The following CHLSN variants were observed in gnomAD, a reference collection of about 807,000 sequenced individuals.
CHLSN encodes cholesin, also known as protein cholesin.
the CHLSN span, among the ~76,000 whole-genome samples, chr7:1,014,249 G>A: frequency 0.02 from 3,085 of 152,326 alleles, 93 homozygotes; most frequent in African/African-American, 0.069. Context: ...GAAGAGAGCC[G>A]TGAGATTCTT....
chr7:1,123,914 G>A, the CHLSN span, among the ~76,000 whole-genome samples: 3 of 151,374 alleles, frequency 2.0e-5, no homozygotes, highest in Admixed American at 6.6e-5. This position sits in a 1 kb window ranked among gnomAD's most constrained non-coding sequence, Gnocchi z 4.4. Flanking sequence ...CCCTCTTCCC[G>A]CTGCCAGCTC....
the CHLSN span, among the ~76,000 whole-genome samples, chr7:1,045,140 G>A: frequency 4.1e-3 from 630 of 152,324 alleles, 4 homozygotes; most frequent in African/African-American, 0.015. Flanking sequence ...TCACTGGAAG[G>A]CAGTGCTCTC....
the CHLSN span, chr7:984,454 C>T: frequency 3.9e-6 from 6 of 1,549,974 alleles, no homozygotes; most frequent in Admixed American, 2.0e-5. Flanking sequence ...GCACCTGGGG[C>T]GCCAGAAGAC....
the CHLSN span, among the ~76,000 whole-genome samples, chr7:1,081,545 T>C: frequency 6.6e-6 from 1 of 152,200 alleles, no homozygotes; most frequent in South Asian, 2.1e-4. Flanking sequence ...TGTGCTGGCA[T>C]CCGCCACGCG....
the CHLSN span, among the ~76,000 whole-genome samples, chr7:1,061,419 G>GTCCCCTCCTCA: frequency 6.6e-6 from 1 of 151,940 alleles, no homozygotes; most frequent in African/African-American, 2.4e-5. Context: ...TACCCAGCGA[G>GTCCCCTCCTCA]TCCCCTCCTC....
the CHLSN span, among the ~76,000 whole-genome samples, chr7:1,113,604 C>T: frequency 6.6e-6 from 1 of 152,222 alleles, no homozygotes; most frequent in East Asian, 1.9e-4. Context: ...AGCTCATCTA[C>T]TTCACATCTC....
the CHLSN span, chr7:1,092,649 C>T: frequency 3.1e-6 from 5 of 1,613,062 alleles, no homozygotes; most frequent in Non-Finnish European, 4.2e-6. Context: ...TCACGGGCCA[C>T]ATTGTCAACC....
the CHLSN span, among the ~76,000 whole-genome samples, chr7:1,106,285 C>T: frequency 1.3e-5 from 2 of 152,228 alleles, no homozygotes; most frequent in African/African-American, 4.8e-5. Flanking sequence ...CCTGCACAGA[C>T]TCAAGGGTGT....
chr7:1,002,728 A>G, the CHLSN span, among the ~76,000 whole-genome samples: 1 of 54,736 alleles, frequency 1.8e-5, no homozygotes, highest in Non-Finnish European at 3.2e-5. Context: ...CCTGTGGGTG[A>G]GTGGAATCCT....
the CHLSN span, chr7:985,104 G>A: frequency 1.9e-6 from 3 of 1,611,160 alleles, no homozygotes; most frequent in Non-Finnish European, 2.5e-6. Flanking sequence ...ACAGAGGTGA[G>A]CAGGGGGCCG....
At chr7:1,033,956 C>G in the CHLSN span, among the ~76,000 whole-genome samples, 17 of 152,368 alleles carry the variant, frequency 1.1e-4, no homozygotes, top group East Asian at 3.3e-3. Context: ...CAGCATCAGG[C>G]TGGCCGGGGG....
At chr7:1,109,427 C>G in the CHLSN span, 1 of 152,386 alleles carries the variant, frequency 6.6e-6, no homozygotes, top group African/African-American at 2.4e-5. Flanking sequence ...AGCCGACACG[C>G]GTGGCCCCTG....
chr7:984,053 G>C, the CHLSN span, among the ~76,000 whole-genome samples: 2 of 152,224 alleles, frequency 1.3e-5, no homozygotes, highest in East Asian at 1.9e-4. Flanking sequence ...GGCCGAGCCT[G>C]TCAGGCCCTC....
the CHLSN span, among the ~76,000 whole-genome samples, chr7:1,113,920 G>C: frequency 6.6e-6 from 1 of 152,222 alleles, no homozygotes; most frequent in African/African-American, 2.4e-5. Context: ...CTTGTCTCCA[G>C]GGAGCGAATG....
At chr7:1,016,801 AG>A in the CHLSN span, among the ~76,000 whole-genome samples, 861 of 70,870 alleles carry the variant, frequency 0.012, 91 homozygotes, top group East Asian at 0.16. Context: ...AGCAGCACAC[AG>A]CAGCACACAC....
the CHLSN span, among the ~76,000 whole-genome samples, chr7:1,060,409 G>A: frequency 6.6e-6 from 1 of 152,154 alleles, no homozygotes; most frequent in African/African-American, 2.4e-5. Flanking sequence ...TGCCCTGAGC[G>A]CCCCGGGGTT....
chr7:1,013,351 C>T, the CHLSN span, among the ~76,000 whole-genome samples: 2 of 152,248 alleles, frequency 1.3e-5, no homozygotes, highest in Admixed American at 6.5e-5. Context: ...TGTAAATTAC[C>T]TAAGTACACA....
the CHLSN span, chr7:983,361 G>C: frequency 3.9e-6 from 6 of 1,532,696 alleles, no homozygotes; most frequent in Non-Finnish European, 4.4e-6. Context: ...TGCGTCTGTC[G>C]CAACAGGACC....
At chr7:1,012,547 G>C in the CHLSN span, among the ~76,000 whole-genome samples, 2 of 152,252 alleles carry the variant, frequency 1.3e-5, no homozygotes, top group Non-Finnish European at 2.9e-5. Context: ...CTGGCCACCA[G>C]CGCTCCCGAC....
Sources: gnomAD v4.1 joint callset for allele counts (sites outside exome capture counted in the v4.1 genomes callset) on GRCh38, gnomAD v4.1.1 for gene constraint, Gnocchi (gnomAD v3.1) non-coding constraint, MANE v1.5 for transcripts, NCBI Gene and HGNC (gene_info 2026-07-23, HGNC 2026-07-21) for gene names.